NTF3: variants seen among roughly 807,000 people sequenced by gnomAD.
NTF3 encodes the protein neurotrophin 3, also known as neurotrophin-3.
NTF3 carries 8 observed loss-of-function variants against 26.3 expected under a neutral mutation model. The ratio of observed to expected loss-of-function variants is 0.30; its 90% CI spans 0.18 to 0.55. The LOEUF is 0.55. NTF3 is among the 20% of genes least tolerant of loss of function. The pLI, the probability that NTF3 is intolerant of heterozygous loss-of-function variation, is 0.93. For missense variants in NTF3, 276 were observed against 352.9 expected (o/e 0.78, Z 1.75); for synonymous variants, 154 against 145.5 (o/e 1.06, Z -0.42).
chr12:5,447,551 T>A (rs141147399), intron 1 of NTF3, among the ~76,000 whole-genome samples: 60 of 152,330 alleles, frequency 3.9e-4, no homozygotes, highest in African/African-American at 1.4e-3. Flanking sequence ...GCACAACCTC[T>A]CAAAGCCTTA....
At chr12:5,460,565 A>C (rs1021576918) in intron 1 of NTF3, among the ~76,000 whole-genome samples, 3 of 152,206 alleles carry the variant, frequency 2.0e-5, no homozygotes, top group African/African-American at 7.2e-5. Flanking sequence ...GAATTTCTCC[A>C]TCTCTGTCTG....
At chr12:5,445,765 C>T (rs1591593104) in intron 1 of NTF3, among the ~76,000 whole-genome samples, 1 of 152,226 alleles carries the variant, frequency 6.6e-6, no homozygotes, top group East Asian at 1.9e-4. Flanking sequence ...CTGCTCTCCT[C>T]CCTGCCTTTT....
At chr12:5,487,701 G>A (rs1029500817) in intron 1 of NTF3, among the ~76,000 whole-genome samples, 1 of 152,150 alleles carries the variant, frequency 6.6e-6, no homozygotes, top group African/African-American at 2.4e-5. Flanking sequence ...TAAGTTTTAA[G>A]GAGAGGAACA....
chr12:5,450,597 C>A (rs1173144179), intron 1 of NTF3, among the ~76,000 whole-genome samples: 1 of 152,188 alleles, frequency 6.6e-6, no homozygotes, highest in Non-Finnish European at 1.5e-5. Flanking sequence ...TTCTTCATCT[C>A]AAAATAATGG....
chr12:5,461,549 G>T lies in NTF3; in HGVS notation c.18+29207G>T, dbSNP rs926081011. ...AAACCCTGAAAGCAACTTCTCAGCT[G>T]CCTACTTTCTGCCTTTTGACCCCCA... On this transcript the variant is annotated intron_variant, in intron 1 of 1. Transcript: ENST00000423158. 2.0e-4 allele frequency among the ~76,000 whole-genome samples: 31 copies of T among 152,134 alleles called. 1 individual carries two copies. The highest frequency in any genetic ancestry group is 7.5e-4 in the African/African-American group (31 of 41,510).
upstream of NTF3, chr12:5,432,070 G>A: frequency 2.1e-6 from 1 of 481,000 alleles, no homozygotes. Flanking sequence ...CATCTGGCCG[G>A]GTTGGCTGGT....
chr12:5,485,100 A>G (rs891804897), intron 1 of NTF3, among the ~76,000 whole-genome samples: 1 of 152,214 alleles, frequency 6.6e-6, no homozygotes, highest in East Asian at 1.9e-4. Context: ...GAGGAAAGGA[A>G]TATTTTACAT....
At chr12:5,449,113 A>G (rs915030780) in intron 1 of NTF3, among the ~76,000 whole-genome samples, 1 of 152,222 alleles carries the variant, frequency 6.6e-6, no homozygotes, top group Non-Finnish European at 1.5e-5. Context: ...TGGAGTTCCT[A>G]AGACTTCTGA....
intron 1 of NTF3, among the ~76,000 whole-genome samples, chr12:5,435,616 C>T (rs1940157915): frequency 6.6e-6 from 1 of 152,106 alleles, no homozygotes; most frequent in South Asian, 2.1e-4. Context: ...TGCTGCACTT[C>T]AGGTCAGAAT....
At chr12:5,447,474 G>A (rs1281957622) in intron 1 of NTF3, among the ~76,000 whole-genome samples, 2 of 152,174 alleles carry the variant, frequency 1.3e-5, no homozygotes, top group Admixed American at 6.5e-5. Flanking sequence ...TCATTACAGC[G>A]AAATAGAGAA....
Position 5,432,131 on chromosome 12 carries a change from C to T in NTF3, c.-194C>T, listed in dbSNP as rs1591587119. 4.4e-6 allele frequency: 3 copies of T among 679,508 alleles called. No homozygotes were observed. The highest frequency in any genetic ancestry group is 5.3e-6 in the Non-Finnish European group (2 of 378,208). The allele number at this position is 679,508 out of a possible 1,614,324, so 42.1% of individuals were successfully genotyped here. A position where few individuals can be genotyped will look rare whatever the true frequency, so the allele number is the denominator to read the frequency against. ...GGACTCAGAGTTGAAGCTCCTCTCC[C>T]TTCCGAACAGCTCCGCGCACCGCCC... On this transcript the variant is annotated 5_prime_UTR_variant, in exon 1 of 2. Transcript: ENST00000423158.
intron 1 of NTF3, among the ~76,000 whole-genome samples, chr12:5,437,881 G>A (rs1940190326): frequency 6.6e-6 from 1 of 152,190 alleles, no homozygotes; most frequent in Non-Finnish European, 1.5e-5. Flanking sequence ...CAGGATGTGC[G>A]TGCGTGCGTG....
At chr12:5,469,193 C>T (rs1940633476) in intron 1 of NTF3, among the ~76,000 whole-genome samples, 1 of 151,954 alleles carries the variant, frequency 6.6e-6, no homozygotes, top group Admixed American at 6.5e-5. Flanking sequence ...CAAGTTGTGG[C>T]TTTTAATTGC....
intron 1 of NTF3, among the ~76,000 whole-genome samples, chr12:5,448,213 C>A (rs1392473037): frequency 2.0e-5 from 3 of 152,172 alleles, no homozygotes; most frequent in African/African-American, 7.2e-5. Flanking sequence ...ATGAAAATAC[C>A]CTTGAAACAT....
Position 5,494,662 on chromosome 12 carries a change from T to G in NTF3, c.487T>G (p.Ser163Ala). Residue 163 changes from serine to alanine, a missense_variant, in exon 2 of 2, where the codon TCG becomes GCG. Physicochemically the swap from Ser to Ala is moderately conservative, Grantham distance 99 (BLOSUM62 1). This residue lies in a region of NTF3 where 221 missense variants were observed against 258.2 expected (regional missense o/e 0.86). Coordinates refer to ENST00000423158, the MANE Select transcript of NTF3 (RefSeq NM_001102654.2). This position sits in a 1 kb window ranked among gnomAD's most constrained non-coding sequence, Gnocchi z 8.3. ...AEHKSHRGEY[S>A]VCDSESLWVT... is the part of the protein sequence containing the mutation. The stretch of plus-strand genomic sequence containing the variant: ...GCATAAGAGTCACCGAGGGGAGTAC[T>G]CGGTATGTGACAGTGAGAGTCTGTG... The G allele has an allele frequency of 1.9e-6, 3 of 1,614,076 alleles. No homozygotes were observed. The highest frequency in any genetic ancestry group is 2.5e-6 in the Non-Finnish European group (3 of 1,180,018).
intron 1 of NTF3, among the ~76,000 whole-genome samples, chr12:5,439,332 G>A (rs1267578091): frequency 1.3e-5 from 2 of 152,232 alleles, no homozygotes; most frequent in Admixed American, 1.3e-4. Flanking sequence ...GTGAGGTTAA[G>A]GGGTATGCTG....
intron 1 of NTF3, among the ~76,000 whole-genome samples, chr12:5,464,848 G>T (rs746529699): frequency 1.1e-4 from 17 of 152,192 alleles, no homozygotes; most frequent in Non-Finnish European, 1.9e-4. Context: ...GGGTTGGGGG[G>T]TAGAGATGAA....
intron 1 of NTF3, among the ~76,000 whole-genome samples, chr12:5,458,445 T>C (rs149190309): frequency 6.4e-4 from 98 of 152,318 alleles, no homozygotes; most frequent in African/African-American, 2.2e-3. Flanking sequence ...TCTGGACTTC[T>C]TGAAGGCAGG....
At chr12:5,444,781 C>G (rs1272553078) in intron 1 of NTF3, among the ~76,000 whole-genome samples, 1 of 152,000 alleles carries the variant, frequency 6.6e-6, no homozygotes, top group Non-Finnish European at 1.5e-5. Context: ...AAGAGTTGTT[C>G]AATGAAGAAA....
Sources: allele counts gnomAD v4.1 joint callset (sites outside exome capture counted in the v4.1 genomes callset), GRCh38; gene constraint gnomAD v4.1.1; regional missense constraint gnomAD v4.1.1; non-coding constraint Gnocchi (gnomAD v3.1); transcripts MANE v1.5; gene names NCBI Gene and HGNC (gene_info 2026-07-23, HGNC 2026-07-21).